The following SCFD2 variants were observed in gnomAD, a reference collection of about 807,000 sequenced individuals.
The protein encoded by SCFD2 is sec1 family domain containing 2.
In SCFD2, 54 loss-of-function variants were observed where a neutral mutation model predicts 58.9. That is an observed-to-expected ratio of 0.92 (90% confidence interval 0.74 to 1.15). The LOEUF is 1.15. SCFD2 is among the 50% of genes most tolerant of loss of function. SCFD2 has a pLI of 0.00. For missense variants in SCFD2, 805 were observed against 836.6 expected (o/e 0.96, Z 0.47); for synonymous variants, 321 against 335.9 (o/e 0.96, Z 0.49).
chr4:53,143,788 C>T (rs984560164), intron 5 of SCFD2, among the ~76,000 whole-genome samples: 21 of 83,036 alleles, frequency 2.5e-4, no homozygotes, highest in African/African-American at 8.6e-4. Context: ...CTTCATACAC[C>T]TAAACATACA....
intron 5 of SCFD2, among the ~76,000 whole-genome samples, chr4:53,104,834 G>A (rs1473460826): frequency 6.6e-6 from 1 of 152,164 alleles, no homozygotes; most frequent in African/African-American, 2.4e-5. Flanking sequence ...AGCTCATGGG[G>A]TCATACAGCG....
At chr4:53,002,104 T>C (rs1223540030) in intron 5 of SCFD2, among the ~76,000 whole-genome samples, 1 of 152,078 alleles carries the variant, frequency 6.6e-6, no homozygotes, top group African/African-American at 2.4e-5. Flanking sequence ...AAGAGGAAGG[T>C]CAGAATGATA....
chr4:52,885,804 T>C lies in SCFD2; in HGVS notation c.1905A>G (p.Thr635=). ...LLILFVVGGV[T]VSEVKMVKDL... ...CTTTGACCATTTTCACTTCAGAGAC[T>C]GTGACCCCACCTACCACAAAGAGGA... The change falls in exon 8 of 9, where the codon ACA becomes ACG. Residue 635 remains threonine, a synonymous_variant. Coordinates refer to ENST00000401642, the MANE Select transcript of SCFD2 (RefSeq NM_152540.4). 2 of 1,614,148 alleles carry C rather than the reference T, an allele frequency of 1.2e-6. No individual in the cohort carries two copies. The highest frequency in any genetic ancestry group is 1.7e-6 in the Non-Finnish European group (2 of 1,179,974).
At chr4:53,166,623 G>A (rs1399943602) in intron 4 of SCFD2, among the ~76,000 whole-genome samples, 1 of 152,082 alleles carries the variant, frequency 6.6e-6, no homozygotes, top group Non-Finnish European at 1.5e-5. Flanking sequence ...GTGAAAATGA[G>A]GAAGAAAGAT....
rs140460927 is a variant in SCFD2 at position 53,083,420 on chromosome 4, G to T, written c.1561+61913C>A. ...TACTCAAACTATTTTTTTAAAAAAA[G>T]AAGGAGGGAATACTTCCAACCTTAT... On this transcript the variant is annotated intron_variant, in intron 5 of 8. Coordinates refer to ENST00000401642, the MANE Select transcript of SCFD2 (RefSeq NM_152540.4). Among the ~76,000 whole-genome samples, 96 of 152,114 alleles carry T rather than the reference G, an allele frequency of 6.3e-4. No homozygotes were observed. The East Asian group carries it at 0.016, about 25-fold the overall frequency.
chr4:53,156,969 C>T (rs1230957251), intron 4 of SCFD2, among the ~76,000 whole-genome samples: 1 of 152,200 alleles, frequency 6.6e-6, no homozygotes, highest in Non-Finnish European at 1.5e-5. Context: ...CTATTTGGCA[C>T]ATATTTTCTC....
chr4:53,047,243 T>C (rs941148960), intron 5 of SCFD2, among the ~76,000 whole-genome samples: 3 of 151,212 alleles, frequency 2.0e-5, no homozygotes, highest in African/African-American at 7.3e-5. Flanking sequence ...AAGCCAGGAG[T>C]TCAAAACCAG....
intron 4 of SCFD2, among the ~76,000 whole-genome samples, chr4:53,175,334 A>G (rs1243882158): frequency 6.6e-6 from 1 of 152,182 alleles, no homozygotes; most frequent in Non-Finnish European, 1.5e-5. Flanking sequence ...AATTCACTTG[A>G]GACAAATTGT....
chr4:52,875,572 C>T (rs1453550778), intron 8 of SCFD2, among the ~76,000 whole-genome samples: 1 of 151,694 alleles, frequency 6.6e-6, no homozygotes. Context: ...AAAATTGTCC[C>T]AGGTATAATT....
At chr4:53,034,830 C>T (rs2148820744) in intron 5 of SCFD2, among the ~76,000 whole-genome samples, 1 of 152,248 alleles carries the variant, frequency 6.6e-6, no homozygotes, top group Middle Eastern at 3.4e-3. Context: ...AAAGAGGACA[C>T]AAACAAATGT....
chr4:53,227,594 G>A (rs1210680889), intron 4 of SCFD2, among the ~76,000 whole-genome samples: 3 of 152,126 alleles, frequency 2.0e-5, no homozygotes, highest in Non-Finnish European at 2.9e-5. Context: ...CCTCACTACA[G>A]CAGAATACCT....
chr4:52,901,077 C>G (rs1719185732), intron 7 of SCFD2, among the ~76,000 whole-genome samples: 1 of 152,234 alleles, frequency 6.6e-6, no homozygotes. Context: ...AACTCCCTGA[C>G]CCCTTGCACT....
chr4:53,156,468 CG>C (rs1478749038), intron 4 of SCFD2, among the ~76,000 whole-genome samples: 1 of 150,868 alleles, frequency 6.6e-6, no homozygotes, highest in African/African-American at 2.4e-5. Flanking sequence ...GAGGCCAAGG[CG>C]GGCAGATCAT....
chr4:53,341,793 G>A (rs575181471), intron 2 of SCFD2, among the ~76,000 whole-genome samples: 1 of 152,226 alleles, frequency 6.6e-6, no homozygotes, highest in South Asian at 2.1e-4. Context: ...AGAGAGTAGG[G>A]GCCAATATTC....
In SCFD2 at chr4:53,320,570, T is replaced by C. The variant is rs150462502; in HGVS notation, c.1008-6807A>G. On this transcript the variant is annotated intron_variant, in intron 2 of 8. Transcript: ENST00000401642. ...AGGTGGAAGTTGCAGTGAGTTGAGA[T>C]TGCACCACTGCACTCCAGCCTGGGA... is the stretch of plus-strand genomic sequence containing the variant. 5.9e-5 allele frequency among the ~76,000 whole-genome samples: 9 copies of C among 152,202 alleles called. No homozygotes were observed. In the East Asian group the frequency reaches 1.7e-3, roughly 29 times the overall value.
chr4:53,233,606 G>A (rs553306150), intron 4 of SCFD2, among the ~76,000 whole-genome samples: 5 of 152,202 alleles, frequency 3.3e-5, no homozygotes, highest in African/African-American at 9.6e-5. Flanking sequence ...CTATATATTC[G>A]ACTCTCATTT....
chr4:53,334,150 G>A (rs973882964), intron 2 of SCFD2, among the ~76,000 whole-genome samples: 1 of 151,634 alleles, frequency 6.6e-6, no homozygotes, highest in African/African-American at 2.4e-5. Flanking sequence ...TACACTGTTG[G>A]TGGGACTGTA....
rs1265606737 is a variant in SCFD2 at position 53,344,643 on chromosome 4, ACAATC to A, written c.1007+7950_1007+7954del. Among the ~76,000 whole-genome samples the A allele has an allele frequency of 2.0e-5, 3 of 152,196 alleles. No individual in the cohort carries two copies. The East Asian group carries it at 5.8e-4, about 29-fold the overall frequency. On this transcript the variant is annotated intron_variant, in intron 2 of 8. Transcript: ENST00000401642. ...CCAAAAAAGAGCCCGCATTGCCAAG[ACAATC>A]CTAAGCAAACAGAATGAAGCTGGAG...
At chr4:53,319,263 C>T (rs867601841) in intron 2 of SCFD2, among the ~76,000 whole-genome samples, 1 of 152,278 alleles carries the variant, frequency 6.6e-6, no homozygotes, top group South Asian at 2.1e-4. Flanking sequence ...TAAGCAATAT[C>T]ATACTATTCC....
Sources: allele counts gnomAD v4.1 joint callset (sites outside exome capture counted in the v4.1 genomes callset), GRCh38; gene constraint gnomAD v4.1.1; transcripts MANE v1.5; gene names NCBI Gene and HGNC (gene_info 2026-07-23, HGNC 2026-07-21).